GAB1: variants seen among roughly 807,000 people sequenced by gnomAD.
GAB1 encodes GRB2 associated binding protein 1, also known as GRB2-associated-binding protein 1.
Under a neutral mutation model 66.5 loss-of-function variants are expected in GAB1, and 19 were observed. The observed-to-expected ratio is 0.29, with a 90% CI of 0.20 to 0.42. GAB1 has a LOEUF of 0.42. Among genes scored for constraint, GAB1 ranks in the 10% least tolerant of loss-of-function variants. The probability of loss-of-function intolerance (pLI) is 1.00; values close to 1 mark genes in which losing one functional copy is unlikely to be tolerated. For missense variants in GAB1, 732 were observed against 858.5 expected, an observed-to-expected ratio of 0.85 and a Z score of 1.84; for synonymous variants, 294 against 301.4, an observed-to-expected ratio of 0.98 and a Z score of 0.25.
At chr4:143,362,784 G>A (rs1729717185) in intron 1 of GAB1, among the ~76,000 whole-genome samples, 1 of 152,172 alleles carries the variant, frequency 6.6e-6, no homozygotes, top group Admixed American at 6.5e-5. Flanking sequence ...TTGTGACAGT[G>A]TATCTTGTGC....
At chr4:143,379,095 C>T (rs998541440) in intron 1 of GAB1, among the ~76,000 whole-genome samples, 2 of 152,140 alleles carry the variant, frequency 1.3e-5, no homozygotes, top group African/African-American at 2.4e-5. Context: ...AGACCAAAGC[C>T]TCATTCATTG....
intron 2 of GAB1, chr4:143,425,654 C>T (rs1365936666): frequency 6.6e-6 from 5 of 761,000 alleles, no homozygotes; most frequent in Middle Eastern, 2.6e-4. Flanking sequence ...TCTACTTCTA[C>T]AGAGATCCTG....
At chr4:143,445,339 G>A (rs905470459) in intron 6 of GAB1, among the ~76,000 whole-genome samples, 1 of 152,118 alleles carries the variant, frequency 6.6e-6, no homozygotes, top group African/African-American at 2.4e-5. Context: ...TTTCTCTGAT[G>A]ATTAGTGATG....
chr4:143,427,369 C>T (rs550164919), intron 2 of GAB1, among the ~76,000 whole-genome samples: 12 of 152,184 alleles, frequency 7.9e-5, no homozygotes, highest in Non-Finnish European at 1.3e-4. Flanking sequence ...TTTGAGGCTC[C>T]GGTTGCATGA....
rs369182573 is a variant in GAB1 at position 143,415,469 on chromosome 4, G to T, written c.73-8G>T. On this transcript the variant is annotated splice_region_variant and splice_polypyrimidine_tract_variant and intron_variant, in intron 1 of 9. Transcript: ENST00000262994. ...AATACTGAATGGATATTTTTGTTTT[G>T]TTTCTAGGCATGGAAGAGGAGATGG... The T allele has an allele frequency of 6.3e-7, 1 of 1,582,148 alleles. No individual in the cohort carries two copies. The highest frequency in any genetic ancestry group is 1.2e-5 in the South Asian group (1 of 86,564).
At position 143,337,009 on chromosome 4, in the gene GAB1, A is replaced by G; in HGVS notation, c.-180A>G. On this transcript the variant is annotated 5_prime_UTR_variant, in exon 1 of 10. Coordinates refer to ENST00000262994, the MANE Select transcript of GAB1 (RefSeq NM_002039.4). ...GTTCTGTTCAGGTTCGTGGGCCTGC[A>G]GAGGAGAGACTCGAACTCGTGGAAC... 1 of 588,878 alleles carries G rather than the reference A, an allele frequency of 1.7e-6. No homozygotes were observed. The highest frequency in any genetic ancestry group is 3.1e-5 in the East Asian group (1 of 32,534). The allele number at this position is 588,878 out of a possible 1,614,324, so 36.5% of individuals were successfully genotyped here.
In GAB1 at chr4:143,337,180, G is replaced by A. The variant is rs986352085; in HGVS notation, c.-9G>A. On this transcript the variant is annotated 5_prime_UTR_variant, in exon 1 of 10. Transcript: ENST00000262994. ...AGCTGCCCGGCCCGGAGCCCGAGACGCGCGCACCATGAGCGGTGGTGAAGT... is the reference window on the plus strand; with the variant it reads ...AGCTGCCCGGCCCGGAGCCCGAGACACGCGCACCATGAGCGGTGGTGAAGT... 9 of 1,571,974 alleles carry A rather than the reference G, an allele frequency of 5.7e-6. No homozygotes were observed. Among genetic ancestry groups the A allele is most frequent in the African/African-American group, 1.3e-5 (1 of 74,252 alleles).
chr4:143,390,655 T>C (rs530066295), intron 1 of GAB1, among the ~76,000 whole-genome samples: 15 of 152,288 alleles, frequency 9.8e-5, no homozygotes, highest in African/African-American at 2.2e-4. Context: ...ATACCAGTTA[T>C]GATTAAGCCT....
At position 143,464,160 on chromosome 4, in the gene GAB1, G is replaced by C. The variant is rs116583939; in HGVS notation, c.1804-1943G>C. 5.1e-3 allele frequency among the ~76,000 whole-genome samples: 778 copies of C among 152,020 alleles called. 4 individuals are homozygous for C. Among genetic ancestry groups the C allele is most frequent in the Admixed American group, 6.7e-3 (102 of 15,266 alleles). ...TCTCCATGAATTAGAAAGAAGAGAG[G>C]GATTGCTATTTATATTGAGGACCAA... is the stretch of plus-strand genomic sequence containing the variant. On this transcript the variant is annotated intron_variant, in intron 8 of 9. Coordinates refer to ENST00000262994, the MANE Select transcript of GAB1 (RefSeq NM_002039.4).
At chr4:143,442,873 A>C (rs1734314513) in intron 6 of GAB1, among the ~76,000 whole-genome samples, 1 of 152,150 alleles carries the variant, frequency 6.6e-6, no homozygotes, top group African/African-American at 2.4e-5. Flanking sequence ...GCTTAGATAC[A>C]AAATGAACTT....
chr4:143,356,076 G>A (rs1729433824), intron 1 of GAB1, among the ~76,000 whole-genome samples: 1 of 151,980 alleles, frequency 6.6e-6, no homozygotes, highest in African/African-American at 2.4e-5. Flanking sequence ...TTTTTGGGTC[G>A]GGGCCGGGGG....
At chr4:143,432,859 T>C (rs1354732231) in intron 2 of GAB1, among the ~76,000 whole-genome samples, 9 of 152,220 alleles carry the variant, frequency 5.9e-5, no homozygotes, top group Non-Finnish European at 1.2e-4. Context: ...GCTGGACCTC[T>C]TTCCATGAAA....
chr4:143,416,169 G>GC (rs1356752107), intron 2 of GAB1, among the ~76,000 whole-genome samples: 7 of 151,826 alleles, frequency 4.6e-5, no homozygotes, highest in African/African-American at 1.7e-4. Flanking sequence ...ACTCTGGGAG[G>GC]CCGAGGCGGG....
intron 6 of GAB1, chr4:143,457,669 T>G: frequency 7.5e-7 from 1 of 1,339,498 alleles, no homozygotes. Context: ...AGTCTTCTTT[T>G]TACCAATTAG....
At chr4:143,413,940 G>A (rs906758788) in intron 1 of GAB1, among the ~76,000 whole-genome samples, 5 of 148,634 alleles carry the variant, frequency 3.4e-5, no homozygotes, top group African/African-American at 7.5e-5. Context: ...TCCTGCCTCA[G>A]CCTCCTAAGT....
intron 1 of GAB1, among the ~76,000 whole-genome samples, chr4:143,400,682 G>C (rs1026236459): frequency 2.6e-5 from 4 of 151,918 alleles, no homozygotes; most frequent in Non-Finnish European, 5.9e-5. Context: ...AAATGTTATT[G>C]CTTGGCTGGG....
intron 1 of GAB1, among the ~76,000 whole-genome samples, chr4:143,351,181 CAG>C (rs1729200007): frequency 6.6e-6 from 1 of 152,214 alleles, no homozygotes; most frequent in African/African-American, 2.4e-5. Context: ...ATCACAAGGA[CAG>C]AGTGATTTCT....
In GAB1 at chr4:143,426,564, A is replaced by G. The variant is rs534434128; in HGVS notation, c.368-6927A>G. Reference sequence around the variant, plus strand: ...CTCAAAAAATAAAAATAAATAAATAATAAAACAAACAGAGCGCTCAGTGAG... The same window carrying G: ...CTCAAAAAATAAAAATAAATAAATAGTAAAACAAACAGAGCGCTCAGTGAG... On this transcript the variant is annotated intron_variant, in intron 2 of 9. Transcript: ENST00000262994. Among the ~76,000 whole-genome samples, 7 of 152,256 alleles carry G rather than the reference A, an allele frequency of 4.6e-5. No homozygotes were observed. The South Asian group carries it at 6.2e-4, about 14-fold the overall frequency.
intron 1 of GAB1, among the ~76,000 whole-genome samples, chr4:143,383,505 A>C (rs1560731413): frequency 6.6e-6 from 1 of 152,216 alleles, no homozygotes; most frequent in East Asian, 1.9e-4. Context: ...AGTGTAAGAA[A>C]AGAAAAATTA....
Sources: gnomAD v4.1 joint callset for allele counts (sites outside exome capture counted in the v4.1 genomes callset) on GRCh38, gnomAD v4.1.1 for gene constraint, MANE v1.5 for transcripts, NCBI Gene and HGNC (gene_info 2026-07-23, HGNC 2026-07-21) for gene names.